PA2G4: variants seen among roughly 807,000 people sequenced by gnomAD.
PA2G4 encodes the protein proliferation-associated protein 2G4.
A neutral mutation model predicts 53.3 loss-of-function variants in PA2G4; 8 were observed. The observed-to-expected ratio is 0.15, with a 90% confidence interval of 0.09 to 0.27. PA2G4 has a LOEUF of 0.27. Among genes scored for constraint, PA2G4 ranks in the 10% least tolerant of loss-of-function variants. PA2G4 has a pLI of 1.00. For missense variants in PA2G4, 208 were observed against 486.8 expected (o/e 0.43, Z 5.39); for synonymous variants, 143 against 169.8 (o/e 0.84, Z 1.23).
intron 5 of PA2G4, 85 bp from the exon 6 acceptor site, chr12:56,109,145 T>G: frequency 1.6e-6 from 1 of 635,788 alleles, no homozygotes; most frequent in Non-Finnish European, 2.7e-6. Context: ...AAAAAAACGC[T>G]CAGTTCTTTT....
chr12:56,104,568 G>GCTCGCAGCTTCTCGCT lies in PA2G4; in HGVS notation c.-164_-149dup. The GCTCGCAGCTTCTCGCT allele has an allele frequency of 4.0e-6, 3 of 752,816 alleles. No homozygotes were observed. The South Asian group carries it at 4.2e-5, about 11-fold the overall frequency. The allele number at this position is 752,816 out of a possible 1,614,324, so 46.6% of individuals were successfully genotyped here. On this transcript the variant is annotated 5_prime_UTR_variant, in exon 1 of 13. Transcript: ENST00000303305. ...GCGTGCCCTGCGCCTCAGCCCGCGC[G>GCTCGCAGCTTCTCGCT]CTCGCAGCTTCTCGCTCTCGCCTGC...
intron 2 of PA2G4, 55 bp from the exon 3 acceptor site, chr12:56,106,935 C>A: frequency 6.9e-7 from 1 of 1,439,138 alleles, no homozygotes; most frequent in Non-Finnish European, 9.7e-7. Context: ...TTCTGAAGGG[C>A]ACTAGGGCTC....
Position 56,113,002 on chromosome 12 carries a change from T to A in PA2G4, c.*114T>A. On this transcript the variant is annotated 3_prime_UTR_variant, in exon 13 of 13. Coordinates refer to ENST00000303305, the MANE Select transcript of PA2G4 (RefSeq NM_006191.3). ...TAGGACCGCCAGCAGAGCGGGGGGA[T>A]CTCCCTGCCCCCACCCCAGTTCCCC... 1 of 644,926 alleles carries A rather than the reference T, an allele frequency of 1.6e-6. No homozygotes were observed. The highest frequency in any genetic ancestry group is 2.5e-6 in the Non-Finnish European group (1 of 394,774). The allele number at this position is 644,926 out of a possible 1,614,324, so 40.0% of individuals were successfully genotyped here.
intron 5 of PA2G4, among the ~76,000 whole-genome samples, chr12:56,108,485 C>T (rs893357342): frequency 1.3e-5 from 2 of 152,188 alleles, no homozygotes; most frequent in Non-Finnish European, 2.9e-5. Flanking sequence ...AGTACCCATA[C>T]AACCATTCTG....
intron 12 of PA2G4, among the ~76,000 whole-genome samples, 180 bp downstream of exon 12, chr12:56,111,709 A>AT (rs1869429338): frequency 6.9e-6 from 1 of 144,554 alleles, no homozygotes. Context: ...TGGATTTTAA[A>AT]ATATATATAT....
intron 1 of PA2G4, 27 bp from the exon 2 acceptor site, chr12:56,106,561 G>A: frequency 6.6e-7 from 1 of 1,523,310 alleles, no homozygotes; most frequent in Non-Finnish European, 8.7e-7. Flanking sequence ...TACATACAAG[G>A]CTGACATGAT....
intron 7 of PA2G4, 108 bp from the exon 8 acceptor site, chr12:56,110,291 T>G (rs1039062721): frequency 2.9e-4 from 204 of 695,870 alleles, no homozygotes; most frequent in South Asian, 7.4e-4. Flanking sequence ...ACCCGGGAGG[T>G]GGAGGTTGCA....
chr12:56,106,853 G>C lies in PA2G4; in HGVS notation c.217+137G>C. ...ATTTGGAAATTTGGAATGGCAAGTG[G>C]GATACAAGCAGTTTCCTACCTAATC... is the stretch of plus-strand genomic sequence containing the variant. On this transcript the variant is annotated intron_variant, in intron 2 of 12. Coordinates refer to ENST00000303305, the MANE Select transcript of PA2G4 (RefSeq NM_006191.3). 12 of 1,286,458 alleles carry C rather than the reference G, an allele frequency of 9.3e-6. No individual in the cohort carries two copies. The South Asian group carries it at 1.6e-4, about 17-fold the overall frequency. The allele number at this position is 1,286,458 out of a possible 1,614,324, so 79.7% of individuals were successfully genotyped here.
chr12:56,104,788 C>T lies in PA2G4; in HGVS notation c.51C>T (p.Val17=). ...AGCAAACTATCGCTGAGGACCTGGT[C>T]GTGACCAAGTATAAGATGGGGGGCG... is the stretch of plus-strand genomic sequence containing the variant. ...QQEQTIAEDL[V]VTKYKMGGDI... Residue 17 remains valine (V), a synonymous_variant, in exon 1 of 13, where the codon GTC becomes GTT. Transcript: ENST00000303305. 1 of 1,613,882 alleles carries T rather than the reference C, an allele frequency of 6.2e-7. No homozygotes were observed. Among genetic ancestry groups the T allele is most frequent in the Non-Finnish European group, 8.5e-7 (1 of 1,179,974 alleles).
intron 5 of PA2G4, among the ~76,000 whole-genome samples, chr12:56,108,464 G>A (rs1009926266): frequency 9.2e-5 from 14 of 152,154 alleles, no homozygotes; most frequent in African/African-American, 3.4e-4. Context: ...TTCAGTAGAA[G>A]CTATACTTTG....
chr12:56,104,688 AGGC>A lies in PA2G4; in HGVS notation c.-40_-38del. Reference sequence around the variant, plus strand: ...AGCCTGTGGCTGGGAAGGGAGACAGAGGCGGCGGCGGCTCAGGGGAAACGAGGC... The same window carrying A: ...AGCCTGTGGCTGGGAAGGGAGACAGAGGCGGCGGCTCAGGGGAAACGAGGC... On this transcript the variant is annotated 5_prime_UTR_variant, in exon 1 of 13. Transcript: ENST00000303305. 6 of 1,498,120 alleles carry A rather than the reference AGGC, an allele frequency of 4.0e-6. No individual in the cohort carries two copies. Among genetic ancestry groups the A allele is most frequent in the South Asian group, 1.1e-5 (1 of 88,874 alleles). 92.8% of individuals were successfully genotyped at this position (1,498,120 alleles called of 1,614,324 possible).
In PA2G4 at chr12:56,106,884, T is replaced by C. The variant is rs188316890; in HGVS notation, c.218-106T>C. 5.5e-6 allele frequency: 7 copies of C among 1,277,756 alleles called. No individual in the cohort carries two copies. In the Admixed American group the frequency reaches 8.5e-5, roughly 15 times the overall value. 79.2% of individuals were successfully genotyped at this position (1,277,756 alleles called of 1,614,324 possible). A position where few individuals can be genotyped will look rare whatever the true frequency, so the allele number is the denominator to read the frequency against. ...AAGCAGTTTCCTACCTAATCCAAAC[T>C]GATGAAACTTAAGCAAGACCCTGAA... On this transcript the variant is annotated intron_variant, in intron 2 of 12. Transcript: ENST00000303305.
In PA2G4 at chr12:56,113,729, C is replaced by G. The variant is rs1164194891; in HGVS notation, c.*841C>G. 1.5e-6 allele frequency: 1 copy of G among 659,686 alleles called. No homozygotes were observed. The highest frequency in any genetic ancestry group is 2.7e-6 in the Non-Finnish European group (1 of 366,620). 40.9% of individuals were successfully genotyped at this position (659,686 alleles called of 1,614,324 possible). ...AGGCGTAGACTGACTGAAGACACAA[C>G]TCCTGGCTTTCTGAAGCTATGGACT... On this transcript the variant is annotated 3_prime_UTR_variant, in exon 13 of 13. Transcript: ENST00000303305.
intron 1 of PA2G4, chr12:56,105,031 G>T (rs1269736453): frequency 1.4e-6 from 1 of 703,940 alleles, no homozygotes; most frequent in South Asian, 1.5e-5. Context: ...GGAGGTGCGG[G>T]TCGGCGACCA....
chr12:56,105,262 C>T (rs1464632180), intron 1 of PA2G4, among the ~76,000 whole-genome samples: 1 of 152,176 alleles, frequency 6.6e-6, no homozygotes, highest in Non-Finnish European at 1.5e-5. Context: ...CAAGCCGGCA[C>T]GTGTTGCTGG....
In PA2G4 at chr12:56,112,903, C is replaced by G. The variant is rs748674658; in HGVS notation, c.*15C>G. On this transcript the variant is annotated 3_prime_UTR_variant, in exon 13 of 13. Coordinates refer to ENST00000303305, the MANE Select transcript of PA2G4 (RefSeq NM_006191.3). ...CTGGGGACTGAGGTGGGTCCCATCT[C>G]CCCAGCTTGCTGCTCCTGCCTCATC... is the stretch of plus-strand genomic sequence containing the variant. 4 of 1,509,554 alleles carry G rather than the reference C, an allele frequency of 2.6e-6. No homozygotes were observed. The South Asian group carries it at 5.0e-5, about 19-fold the overall frequency. 93.5% of individuals were successfully genotyped at this position (1,509,554 alleles called of 1,614,324 possible).
At chr12:56,107,443 C>T in intron 4 of PA2G4, 78 bp from the exon 5 acceptor site, 2 of 1,124,852 alleles carry the variant, frequency 1.8e-6, no homozygotes, top group Admixed American at 3.4e-5. Context: ...CGCATATGGG[C>T]TCACAGATAT....
At chr12:56,104,880 C>T (rs749367104) in intron 1 of PA2G4, 55 bp downstream of exon 1, 93 of 1,479,838 alleles carry the variant, frequency 6.3e-5, no homozygotes, top group Non-Finnish European at 8.1e-5. Flanking sequence ...AGGTAACAGG[C>T]TGGCCCGGAA....
chr12:56,107,121 T>A, intron 3 of PA2G4, 26 bp downstream of exon 3: 1 of 1,606,802 alleles, frequency 6.2e-7, no homozygotes, highest in Non-Finnish European at 8.5e-7. Flanking sequence ...TTTAAAGCAT[T>A]TTTCTTTTTT....
Sources: allele counts gnomAD v4.1 joint callset (sites outside exome capture counted in the v4.1 genomes callset), GRCh38; gene constraint gnomAD v4.1.1; transcripts MANE v1.5; gene names NCBI Gene and HGNC (gene_info 2026-07-23, HGNC 2026-07-21).